The following INO80 variants were observed in gnomAD, a reference collection of about 807,000 sequenced individuals.
The protein encoded by INO80 is INO80 complex ATPase subunit.
A neutral mutation model predicts 203.4 loss-of-function variants in INO80; 20 were observed. That is an observed-to-expected ratio of 0.10 (90% CI 0.07 to 0.14). The LOEUF (loss-of-function observed/expected upper bound fraction) is 0.14, where lower values mean the gene tolerates loss of function less well. Among genes scored for constraint, INO80 ranks in the 10% least tolerant of loss-of-function variants. The pLI is 1.00. For synonymous variants in INO80, 726 were observed against 685.2 expected, an observed-to-expected ratio of 1.06 and a Z score of -0.93; for missense variants, 1,419 against 1,914.4, an observed-to-expected ratio of 0.74 and a Z score of 4.83.
chr15:41,087,613 G>A lies in INO80; in HGVS notation c.607C>T (p.His203Tyr), dbSNP rs1566944242. 2 of 1,613,848 alleles carry A rather than the reference G, an allele frequency of 1.2e-6. No individual in the cohort carries two copies. The highest frequency in any genetic ancestry group is 1.7e-5 in the Admixed American group (1 of 59,996). The change falls in exon 6 of 36, where the codon CAC becomes TAC. Residue 203 changes from histidine (H) to tyrosine (Y), a missense_variant. His to Tyr is a moderately conservative substitution (Grantham distance 83). This residue lies in a region of INO80 where 323 missense variants were observed against 325.4 expected (regional missense o/e 0.99). Coordinates refer to ENST00000648947, the MANE Select transcript of INO80 (RefSeq NM_017553.3). ...TTCTTTTTCTTGGGTCCAAGTAGGT[G>A]CCGTTGTTGCTCATAGAAAGGGTCA... Reference protein sequence around the residue: ...TYDPFYEQQRHLLGPKKKKFK... With the variant: ...TYDPFYEQQRYLLGPKKKKFK...
chr15:41,114,223 C>T (rs998121500), intron 1 of INO80, among the ~76,000 whole-genome samples: 1 of 151,402 alleles, frequency 6.6e-6, no homozygotes, highest in Admixed American at 6.6e-5. Flanking sequence ...GCCGAGATCA[C>T]GCCACTATAC....
chr15:40,998,083 G>A lies in INO80; in HGVS notation c.3498-482C>T, dbSNP rs146098069. ...GTCGCCCAGGCTGGAGTGTAGAGGCGCGATCTCAGCTCACTGCAACCTCTG... is the reference window on the plus strand; with the variant it reads ...GTCGCCCAGGCTGGAGTGTAGAGGCACGATCTCAGCTCACTGCAACCTCTG... On this transcript the variant is annotated intron_variant, in intron 28 of 35. Transcript: ENST00000648947. Among the ~76,000 whole-genome samples, 99 of 142,758 alleles carry A rather than the reference G, an allele frequency of 6.9e-4. 2 individuals are homozygous for A. The highest frequency in any genetic ancestry group is 2.5e-3 in the African/African-American group (95 of 38,184). 93.7% of individuals were successfully genotyped at this position (142,758 alleles called of 152,430 possible).
Position 40,979,372 on chromosome 15 carries a change from C to T in INO80, c.*851G>A, listed in dbSNP as rs926931192. 3 of 152,778 alleles carry T rather than the reference C, an allele frequency of 2.0e-5. No individual in the cohort carries two copies. Among genetic ancestry groups the T allele is most frequent in the South Asian group, 2.1e-4 (1 of 4,830 alleles). The allele number at this position is 152,778 out of a possible 1,614,324, so 9.5% of individuals were successfully genotyped here. On this transcript the variant is annotated 3_prime_UTR_variant, in exon 36 of 36. Transcript: ENST00000648947. ...TTCACCTCACTCCTGCTGTCCCTTC[C>T]TCTCTCAGTGCAATATAGACAGTGC...
intron 24 of INO80, among the ~76,000 whole-genome samples, chr15:41,038,700 T>C (rs965833278): frequency 6.6e-6 from 1 of 152,204 alleles, no homozygotes; most frequent in Non-Finnish European, 1.5e-5. Flanking sequence ...TTACAACCAT[T>C]GCTATCGGGT....
rs751087905 is a variant in INO80 at position 40,983,907 on chromosome 15, A to G, written c.4092T>C (p.Ser1364=). The stretch of plus-strand genomic sequence containing the variant: ...GGGGAATGGAGCCAGTGTGCAGCTC[A>G]CTGCTGATGGAGATCTAGAAGAGGA... The part of the protein sequence containing the change: ...PSPFSEISIS[S]ELHTGSIPLD... The change falls in exon 34 of 36, where the codon AGT becomes AGC. Residue 1364 remains serine (S), a synonymous_variant. Coordinates refer to ENST00000648947, the MANE Select transcript of INO80 (RefSeq NM_017553.3). The G allele has an allele frequency of 1.8e-5, 29 of 1,613,564 alleles. No individual in the cohort carries two copies. The highest frequency in any genetic ancestry group is 2.5e-5 in the Non-Finnish European group (29 of 1,180,024).
At chr15:40,997,815 A>G (rs2043899398) in intron 28 of INO80, 1 of 426,804 alleles carries the variant, frequency 2.3e-6, no homozygotes, top group African/African-American at 2.0e-5. Flanking sequence ...TTGCAGATAA[A>G]CTTTTGCTGC....
At position 41,013,101 on chromosome 15, in the gene INO80, A is replaced by AACAACAACAACAACAACAACAACC. The variant is rs1256137340; in HGVS notation, c.3402+2986_3402+2987insGGTTGTTGTTGTTGTTGTTGTTGT. 4 of 151,792 alleles carry AACAACAACAACAACAACAACAACC rather than the reference A, an allele frequency of 2.6e-5. 1 individual carries two copies. In the South Asian group the frequency reaches 8.6e-4, roughly 33 times the overall value. The allele number at this position is 151,792 out of a possible 1,614,324, so 9.4% of individuals were successfully genotyped here. A position where few individuals can be genotyped will look rare whatever the true frequency, so the allele number is the denominator to read the frequency against. On this transcript the variant is annotated intron_variant, in intron 27 of 35. Coordinates refer to ENST00000648947, the MANE Select transcript of INO80 (RefSeq NM_017553.3). ...CAACAACAACAACAACAACAACAAC[A>AACAACAACAACAACAACAACAACC]ACCACCACAACAAAAACCCAAAAAG...
chr15:40,988,984 C>T (rs1467754769), intron 29 of INO80, among the ~76,000 whole-genome samples: 1 of 151,366 alleles, frequency 6.6e-6, no homozygotes, highest in Non-Finnish European at 1.5e-5. Flanking sequence ...CACTGCACTC[C>T]AGCCTGGGCG....
chr15:41,080,955 A>G (rs2045476596), intron 8 of INO80, 65 bp downstream of exon 8: 1 of 1,004,790 alleles, frequency 1.0e-6, no homozygotes, highest in South Asian at 1.3e-5. Flanking sequence ...AGCAAGATGG[A>G]CCCCAAAGAA....
intron 35 of INO80, 28 bp downstream of exon 35, chr15:40,982,834 A>G (rs776333180): frequency 7.0e-6 from 11 of 1,575,080 alleles, no homozygotes; most frequent in South Asian, 5.6e-5. Context: ...ACCAGAACAA[A>G]GTCTGCAGCC....
intron 14 of INO80, among the ~76,000 whole-genome samples, chr15:41,061,181 C>T (rs1375676209): frequency 6.6e-6 from 1 of 151,922 alleles, no homozygotes; most frequent in Non-Finnish European, 1.5e-5. Context: ...GTGACACGCG[C>T]CTGCAGTCCC....
chr15:41,090,885 A>G (rs2045630114), intron 5 of INO80, among the ~76,000 whole-genome samples: 1 of 150,786 alleles, frequency 6.6e-6, no homozygotes, highest in Non-Finnish European at 1.5e-5. Context: ...CCGAAGTATT[A>G]GTAGTTTAAT....
intron 1 of INO80, among the ~76,000 whole-genome samples, chr15:41,098,657 A>C (rs1285124963): frequency 6.6e-6 from 1 of 151,884 alleles, no homozygotes; most frequent in Non-Finnish European, 1.5e-5. Flanking sequence ...CCTGGGTGAC[A>C]AAAAAAAGAA....
intron 4 of INO80, among the ~76,000 whole-genome samples, chr15:41,092,988 C>G (rs917759592): frequency 6.6e-6 from 1 of 152,056 alleles, no homozygotes; most frequent in Non-Finnish European, 1.5e-5. Flanking sequence ...TGAGCTATGG[C>G]TGCACCACTG....
intron 29 of INO80, among the ~76,000 whole-genome samples, chr15:40,988,577 C>T (rs759244242): frequency 6.6e-6 from 1 of 151,654 alleles, no homozygotes; most frequent in African/African-American, 2.4e-5. Flanking sequence ...CAGAGCAATA[C>T]CCTGTCTCAA....
Position 40,983,940 on chromosome 15 carries a change from A to T in INO80, c.4078-19T>A, listed in dbSNP as rs771144337. The T allele has an allele frequency of 1.2e-6, 2 of 1,612,270 alleles. No homozygotes were observed. The highest frequency in any genetic ancestry group is 1.7e-6 in the Non-Finnish European group (2 of 1,179,182). On this transcript the variant is annotated intron_variant, in intron 33 of 35. Transcript: ENST00000648947. ...TGGAGATCTAGAAGAGGAAGGGTTA[A>T]GATCATTACGACCCCCTGTGCTCAC...
chr15:41,107,394 C>T (rs2045896078), intron 1 of INO80, among the ~76,000 whole-genome samples: 1 of 151,850 alleles, frequency 6.6e-6, no homozygotes, highest in Non-Finnish European at 1.5e-5. Flanking sequence ...CCGGCTACTT[C>T]GGAGGCTGAG....
chr15:41,047,861 C>G (rs879328320), intron 22 of INO80, among the ~76,000 whole-genome samples: 5 of 152,142 alleles, frequency 3.3e-5, no homozygotes, highest in African/African-American at 7.2e-5. Context: ...GGACAATGAG[C>G]AAAGCTGAGT....
chr15:40,996,100 C>T (rs2043877713), intron 29 of INO80, among the ~76,000 whole-genome samples: 1 of 152,160 alleles, frequency 6.6e-6, no homozygotes, highest in Non-Finnish European at 1.5e-5. Flanking sequence ...TACACTCTTG[C>T]ACCTCATTTC....
Sources: gnomAD v4.1 joint callset for allele counts (sites outside exome capture counted in the v4.1 genomes callset) on GRCh38, gnomAD v4.1.1 for gene constraint, gnomAD v4.1.1 regional missense constraint, MANE v1.5 for transcripts, NCBI Gene and HGNC (gene_info 2026-07-23, HGNC 2026-07-21) for gene names.